The following HMCN1 variants were observed in gnomAD, a reference collection of about 807,000 sequenced individuals.
The protein encoded by HMCN1 is hemicentin-1.
In HMCN1, 321 loss-of-function variants were observed where a neutral mutation model predicts 625.9. The ratio of observed to expected loss-of-function variants is 0.51; its 90% CI spans 0.47 to 0.56. HMCN1 has a LOEUF of 0.56. HMCN1 is among the 20% of genes least tolerant of loss of function. The pLI, the probability that HMCN1 is intolerant of heterozygous loss-of-function variation, is 0.00. For synonymous variants in HMCN1, 2,425 were observed against 2,417.6 expected, an observed-to-expected ratio of 1.00 and a Z score of -0.09; for missense variants, 6,588 against 6,887.3, an observed-to-expected ratio of 0.96 and a Z score of 1.54.
intron 31 of HMCN1, 105 bp from the exon 32 acceptor site, chr1:186,015,853 T>C: frequency 2.8e-6 from 3 of 1,080,980 alleles, no homozygotes; most frequent in Admixed American, 1.8e-5. Context: ...TAGATTTTAA[T>C]GGTCAAACTT....
At chr1:185,903,786 T>C (rs1424425097) in intron 4 of HMCN1, among the ~76,000 whole-genome samples, 1 of 151,592 alleles carries the variant, frequency 6.6e-6, no homozygotes, top group Admixed American at 6.6e-5. Flanking sequence ...CTTAGAGGAG[T>C]GCTGTATAAA....
At chr1:186,165,261 A>G (rs1651809261) in intron 98 of HMCN1, 88 bp downstream of exon 98, 1 of 1,101,212 alleles carries the variant, frequency 9.1e-7, no homozygotes, top group African/African-American at 1.5e-5. Context: ...CCCTTTCACT[A>G]GGTATTTAAT....
chr1:185,904,175 C>T (rs1330504529), intron 4 of HMCN1, among the ~76,000 whole-genome samples: 3 of 151,738 alleles, frequency 2.0e-5, no homozygotes, highest in South Asian at 4.1e-4. Flanking sequence ...TCAATAAATG[C>T]TTAGTGACTT....
chr1:186,021,527 G>A (rs1654720600), intron 35 of HMCN1, among the ~76,000 whole-genome samples: 1 of 152,006 alleles, frequency 6.6e-6, no homozygotes, highest in Non-Finnish European at 1.5e-5. Context: ...AAGAAGAGAG[G>A]ACTGACCTAG....
chr1:185,799,740 T>C (rs906473776), intron 1 of HMCN1, among the ~76,000 whole-genome samples: 1 of 152,128 alleles, frequency 6.6e-6, no homozygotes, highest in African/African-American at 2.4e-5. Flanking sequence ...GCAGATGTTA[T>C]AATGGGCTGT....
At chr1:185,837,548 G>T (rs1661242050) in intron 1 of HMCN1, among the ~76,000 whole-genome samples, 1 of 151,192 alleles carries the variant, frequency 6.6e-6, no homozygotes. Context: ...ATTTATTTTT[G>T]CTATATTTAT....
Position 186,109,456 on chromosome 1 carries a change from G to C in HMCN1, c.10989+859G>C, listed in dbSNP as rs555440834. On this transcript the variant is annotated intron_variant, in intron 71 of 106. Transcript: ENST00000271588. ...TGCCTACTAGAATGCCAGGTGCTAT[G>C]ATTGCTACTGAAAATAGGCTTTACC... Among the ~76,000 whole-genome samples the C allele has an allele frequency of 7.8e-4, 119 of 152,274 alleles. 2 individuals are homozygous for C. In the South Asian group the frequency reaches 0.024, roughly 31 times the overall value.
intron 1 of HMCN1, among the ~76,000 whole-genome samples, chr1:185,807,604 T>C (rs1253394792): frequency 2.0e-5 from 3 of 152,200 alleles, no homozygotes; most frequent in Non-Finnish European, 2.9e-5. Flanking sequence ...AGGTTTCTTC[T>C]GTATTACTTT....
intron 2 of HMCN1, among the ~76,000 whole-genome samples, chr1:185,848,461 G>A (rs1306854358): frequency 6.6e-6 from 1 of 151,990 alleles, no homozygotes; most frequent in Non-Finnish European, 1.5e-5. Flanking sequence ...TGGCCATTGA[G>A]TATTGGTGTT....
chr1:186,118,947 A>C (rs2102484970), intron 77 of HMCN1, among the ~76,000 whole-genome samples: 1 of 152,304 alleles, frequency 6.6e-6, no homozygotes, highest in African/African-American at 2.4e-5. Context: ...CATAACTCTA[A>C]GTATACTAAA....
At chr1:186,111,724 AT>A (rs750293539) in intron 71 of HMCN1, among the ~76,000 whole-genome samples, 20 of 152,328 alleles carry the variant, frequency 1.3e-4, no homozygotes, top group Admixed American at 6.5e-4. Flanking sequence ...AAAATAAAAT[AT>A]TTTTTATAGA....
intron 89 of HMCN1, among the ~76,000 whole-genome samples, chr1:186,140,237 C>T (rs191059952): frequency 6.6e-6 from 1 of 152,196 alleles, no homozygotes; most frequent in Admixed American, 6.5e-5. Context: ...CTTTTTCCCC[C>T]ATTCCAAGAT....
In HMCN1 at chr1:185,984,196, C is replaced by T. The variant is rs768946010; in HGVS notation, c.2818C>T (p.Arg940Cys). 3.1e-5 allele frequency: 50 copies of T among 1,612,716 alleles called. No homozygotes were observed. The highest frequency in any genetic ancestry group is 7.7e-5 in the South Asian group (7 of 91,036). ...GCTCCAAAATCCTTACATCACTGTG[C>T]GCAGTGATGGGAGCCTCCATATTGA... is the stretch of plus-strand genomic sequence containing the variant. ...MLLQNPYITV[R>C]SDGSLHIERV... Residue 940 changes from arginine (R) to cysteine (C), a missense_variant, in exon 19 of 107, where the codon CGC becomes TGC. Transcript: ENST00000271588.
rs1441339321 is a variant in HMCN1, at chr1:186,117,739, C to G, written c.11848+116C>G. 5 of 1,027,942 alleles carry G rather than the reference C, an allele frequency of 4.9e-6. No homozygotes were observed. The African/African-American group carries it at 8.0e-5, about 16-fold the overall frequency. The allele number at this position is 1,027,942 out of a possible 1,614,324, so 63.7% of individuals were successfully genotyped here. On this transcript the variant is annotated intron_variant, in intron 77 of 106. Transcript: ENST00000271588. ...AATAAAATATGCATGCATTCTTGAACTTAAAAATCTGGAAAACAGATTGTT... is the reference window on the plus strand; with the variant it reads ...AATAAAATATGCATGCATTCTTGAAGTTAAAAATCTGGAAAACAGATTGTT...
intron 11 of HMCN1, among the ~76,000 whole-genome samples, chr1:185,961,934 C>T (rs1292702565): frequency 6.6e-6 from 1 of 152,120 alleles, no homozygotes; most frequent in Non-Finnish European, 1.5e-5. Flanking sequence ...TAGGAAACTG[C>T]ATTCCATCAA....
intron 69 of HMCN1, among the ~76,000 whole-genome samples, chr1:186,104,169 T>G (rs887219784): frequency 1.3e-5 from 2 of 152,198 alleles, no homozygotes; most frequent in Admixed American, 6.5e-5. Flanking sequence ...AAGAGAAGTA[T>G]GTCTGGGATG....
rs555515034 is a variant in HMCN1, at chr1:186,062,993, C to T, written c.7513+393C>T. ...GTTCCATTCATATTGCTGCAAAAGA[C>T]ATGATTTCATTCTTTTTATGGATAG... On this transcript the variant is annotated intron_variant, in intron 48 of 106. Transcript: ENST00000271588. 2.3e-4 allele frequency among the ~76,000 whole-genome samples: 33 copies of T among 144,444 alleles called. No homozygotes were observed. In the South Asian group the frequency reaches 4.6e-3, roughly 20 times the overall value. 94.8% of individuals were successfully genotyped at this position (144,444 alleles called of 152,430 possible). A position where few individuals can be genotyped will look rare whatever the true frequency, so the allele number is the denominator to read the frequency against.
rs779068656 is a variant in HMCN1, at chr1:185,748,983, T to C, written c.268+13936T>C. ...TAAAATAAGGATAAAACCAGTTTTG[T>C]GTACTGATAAATGTTAAATCTCTGG... On this transcript the variant is annotated intron_variant, in intron 1 of 106. Coordinates refer to ENST00000271588, the MANE Select transcript of HMCN1 (RefSeq NM_031935.3). Among the ~76,000 whole-genome samples, 7 of 152,352 alleles carry C rather than the reference T, an allele frequency of 4.6e-5. No individual in the cohort carries two copies. The South Asian group carries it at 1.4e-3, about 32-fold the overall frequency.
chr1:185,840,983 A>G (rs995203281), intron 1 of HMCN1, among the ~76,000 whole-genome samples: 3 of 152,224 alleles, frequency 2.0e-5, no homozygotes, highest in African/African-American at 7.2e-5. Flanking sequence ...AAGAAAAACT[A>G]CAAGTAGCAG....
Sources: allele counts gnomAD v4.1 joint callset (sites outside exome capture counted in the v4.1 genomes callset), GRCh38; gene constraint gnomAD v4.1.1; transcripts MANE v1.5; gene names NCBI Gene and HGNC (gene_info 2026-07-23, HGNC 2026-07-21).